The following KCNK3 variants were observed in gnomAD, a reference collection of about 807,000 sequenced individuals.
KCNK3 encodes the protein potassium two pore domain channel subfamily K member 3.
Under a neutral mutation model 27.3 loss-of-function variants are expected in KCNK3, and 9 were observed. That is an observed-to-expected ratio of 0.33 (90% CI 0.20 to 0.57). KCNK3 has a LOEUF of 0.57. Ranked by LOEUF, KCNK3 falls within the 20% of genes least tolerant of loss-of-function variation. The pLI is 0.87. For missense variants in KCNK3, 391 were observed against 577.7 expected, an observed-to-expected ratio of 0.68 and a Z score of 3.31; for synonymous variants, 278 against 273.8, an observed-to-expected ratio of 1.02 and a Z score of -0.15.
intron 1 of KCNK3, among the ~76,000 whole-genome samples, chr2:26,724,802 G>C (rs978365590): frequency 6.6e-6 from 1 of 152,186 alleles, no homozygotes; most frequent in Non-Finnish European, 1.5e-5. Flanking sequence ...GTCACTTGCA[G>C]CTGAAGCTGG....
At position 26,692,975 on chromosome 2, in the gene KCNK3, G is replaced by A. The variant is rs1553383771; in HGVS notation, c.100G>A (p.Glu34Lys). The A allele has an allele frequency of 6.4e-7, 1 of 1,571,130 alleles. No homozygotes were observed. Among genetic ancestry groups the A allele is most frequent in the Non-Finnish European group, 8.6e-7 (1 of 1,162,896 alleles). The part of the protein sequence containing the change: ...AVFDALESEP[E>K]LIERQRLELR... ...CTTCGACGCGCTGGAGTCGGAGCCC[G>A]AGCTGATCGAGCGGCAGCGGCTGGA... Residue 34 changes from glutamate to lysine, a missense_variant, in exon 1 of 2, where the codon GAG becomes AAG. Physicochemically the swap from Glu to Lys is moderately conservative, Grantham distance 56. Transcript: ENST00000302909. This position sits in a 1 kb window ranked among gnomAD's most constrained non-coding sequence, Gnocchi z 5.6.
intron 1 of KCNK3, among the ~76,000 whole-genome samples, chr2:26,694,356 C>A (rs958467812): frequency 2.0e-5 from 3 of 152,208 alleles, no homozygotes; most frequent in Non-Finnish European, 4.4e-5. Context: ...CCCTTCCCTG[C>A]CTTGATCAGA....
chr2:26,724,861 G>A (rs1663384287), intron 1 of KCNK3, among the ~76,000 whole-genome samples: 1 of 152,190 alleles, frequency 6.6e-6, no homozygotes, highest in Admixed American at 6.5e-5. Context: ...AGGCGAAGGA[G>A]GGCCACGAGG....
chr2:26,727,327 A>G (rs1210834794), intron 1 of KCNK3, among the ~76,000 whole-genome samples: 10 of 152,104 alleles, frequency 6.6e-5, no homozygotes, highest in Admixed American at 6.5e-4. Flanking sequence ...TCTCAGCAGC[A>G]CCCAGGCCAC....
chr2:26,709,433 G>A (rs1035915137), intron 1 of KCNK3, among the ~76,000 whole-genome samples: 7 of 152,200 alleles, frequency 4.6e-5, no homozygotes, highest in African/African-American at 1.7e-4. Flanking sequence ...CCTGGGCACT[G>A]TGGTGGCCCA....
At chr2:26,726,102 CACACAG>C (rs59198198) in intron 1 of KCNK3, among the ~76,000 whole-genome samples, 17,801 of 135,458 alleles carry the variant, frequency 0.13, 1,059 homozygotes, top group East Asian at 0.21. Flanking sequence ...CACACACACA[CACACAG>C]AGAGAGAGAG....
chr2:26,692,797 C>A lies in KCNK3; in HGVS notation c.-79C>A. 1.2e-6 allele frequency: 1 copy of A among 833,482 alleles called. No individual in the cohort carries two copies. The highest frequency in any genetic ancestry group is 1.4e-6 in the Non-Finnish European group (1 of 692,128). 51.6% of individuals were successfully genotyped at this position (833,482 alleles called of 1,614,324 possible). On this transcript the variant is annotated 5_prime_UTR_variant, in exon 1 of 2. Transcript: ENST00000302909. The surrounding 1 kb of genome is among the most constrained non-coding windows in gnomAD (Gnocchi z 5.6). ...AGCGCAGCCATGCCCCAGGCCGCCT[C>A]CGGGGCAGCAGCAGCGGCGGCCGGG...
intron 1 of KCNK3, among the ~76,000 whole-genome samples, chr2:26,714,886 AAAATAAAT>A (rs56401258): frequency 1.4e-3 from 197 of 145,908 alleles, no homozygotes; most frequent in African/African-American, 4.3e-3. Context: ...ACTCCATCTC[AAAATAAAT>A]AAATAAATAA....
In KCNK3 at chr2:26,693,755, G is replaced by C. The variant is rs529582572; in HGVS notation, c.283+597G>C. ...TTTCTCAGAGCGGCAGAATTGGTGC[G>C]GGAAGCCAGATCTGGCCTTGTCAGC... On this transcript the variant is annotated intron_variant, in intron 1 of 1. Coordinates refer to ENST00000302909, the MANE Select transcript of KCNK3 (RefSeq NM_002246.3). The surrounding 1 kb of genome is among the most constrained non-coding windows in gnomAD (Gnocchi z 5.5). 6.6e-6 allele frequency among the ~76,000 whole-genome samples: 1 copy of C among 152,304 alleles called. No homozygotes were observed. The highest frequency in any genetic ancestry group is 2.4e-5 in the African/African-American group (1 of 41,562).
chr2:26,716,858 G>A (rs892534424), intron 1 of KCNK3, among the ~76,000 whole-genome samples: 1 of 152,190 alleles, frequency 6.6e-6, no homozygotes. Context: ...AAGTCTCAGG[G>A]AGCTGGCGTG....
In KCNK3 at chr2:26,727,825, G is replaced by A; in HGVS notation, c.442G>A (p.Gly148Ser). Reference sequence around the variant, plus strand: ...GCTGCACCGCGCCAAGAAGGGGCTGGGCATGCGGCGCGCCGACGTGTCCAT... The same window carrying A: ...GCTGCACCGCGCCAAGAAGGGGCTGAGCATGCGGCGCGCCGACGTGTCCAT... ...YLLHRAKKGLGMRRADVSMAN... is the reference protein window; with the variant it reads ...YLLHRAKKGLSMRRADVSMAN... Residue 148 changes from glycine to serine, a missense_variant, in exon 2 of 2, where the codon GGC becomes AGC. By Grantham distance (56) the Gly-to-Ser change is moderately conservative. Around this residue, in one of 4 missense-constraint regions of KCNK3, gnomAD observed 158 missense variants for 267.7 expected, o/e 0.59. Coordinates refer to ENST00000302909, the MANE Select transcript of KCNK3 (RefSeq NM_002246.3). The A allele has an allele frequency of 6.2e-7, 1 of 1,611,902 alleles. No homozygotes were observed. The highest frequency in any genetic ancestry group is 2.2e-5 in the East Asian group (1 of 44,820).
At chr2:26,720,545 G>C (rs1663309426) in intron 1 of KCNK3, among the ~76,000 whole-genome samples, 1 of 152,236 alleles carries the variant, frequency 6.6e-6, no homozygotes, top group Admixed American at 6.5e-5. Context: ...ATGGGCCTGA[G>C]GAGGGTGGGG....
intron 1 of KCNK3, among the ~76,000 whole-genome samples, chr2:26,709,961 T>G (rs1176007574): frequency 6.6e-6 from 1 of 152,220 alleles, no homozygotes; most frequent in African/African-American, 2.4e-5. Flanking sequence ...TCATCCATCC[T>G]TGTCCTTTGA....
intron 1 of KCNK3, among the ~76,000 whole-genome samples, chr2:26,706,694 C>T (rs1254241711): frequency 6.6e-6 from 1 of 152,124 alleles, no homozygotes; most frequent in African/African-American, 2.4e-5. Context: ...CCTGGAGTCC[C>T]GAGCACTCAT....
intron 1 of KCNK3, among the ~76,000 whole-genome samples, chr2:26,706,600 C>A (rs764927053): frequency 6.6e-6 from 1 of 152,136 alleles, no homozygotes; most frequent in Non-Finnish European, 1.5e-5. Context: ...CCTTGGTCCA[C>A]CTCCAGGAGG....
chr2:26,697,703 G>A (rs1187414987), intron 1 of KCNK3, among the ~76,000 whole-genome samples: 1 of 152,032 alleles, frequency 6.6e-6, no homozygotes, highest in African/African-American at 2.4e-5. Context: ...AATCTTTTTG[G>A]CTCTAAGGCA....
At chr2:26,715,653 T>C (rs1028124201) in intron 1 of KCNK3, among the ~76,000 whole-genome samples, 7 of 152,162 alleles carry the variant, frequency 4.6e-5, no homozygotes, top group Non-Finnish European at 8.8e-5. Context: ...CACGTGGCCA[T>C]CTCCTCCCTG....
intron 1 of KCNK3, among the ~76,000 whole-genome samples, chr2:26,720,000 T>C (rs964582309): frequency 6.6e-6 from 1 of 152,110 alleles, no homozygotes; most frequent in Non-Finnish European, 1.5e-5. Flanking sequence ...CCGTGGCTCA[T>C]GCCTGTAATC....
chr2:26,725,810 T>A (rs1340222445), intron 1 of KCNK3, among the ~76,000 whole-genome samples: 1 of 152,092 alleles, frequency 6.6e-6, no homozygotes, highest in Non-Finnish European at 1.5e-5. Context: ...AGCTTTAAGA[T>A]CCAAATGGCC....
Sources: allele counts gnomAD v4.1 joint callset (sites outside exome capture counted in the v4.1 genomes callset), GRCh38; gene constraint gnomAD v4.1.1; regional missense constraint gnomAD v4.1.1; non-coding constraint Gnocchi (gnomAD v3.1); transcripts MANE v1.5; gene names NCBI Gene and HGNC (gene_info 2026-07-23, HGNC 2026-07-21).